STAG1: variants seen among roughly 807,000 people sequenced by gnomAD.
The protein encoded by STAG1 is cohesin subunit SA-1.
STAG1 carries 26 observed loss-of-function variants against 170.9 expected under a neutral mutation model. That is an observed-to-expected ratio of 0.15 (90% confidence interval 0.11 to 0.21). The LOEUF is 0.21. Ranked by LOEUF, STAG1 falls within the 10% of genes least tolerant of loss-of-function variation. STAG1 has a pLI of 1.00. For synonymous variants in STAG1, 514 were observed against 497.7 expected, an observed-to-expected ratio of 1.03 and a Z score of -0.44; for missense variants, 964 against 1,509.5, an observed-to-expected ratio of 0.64 and a Z score of 5.99.
At chr3:136,643,338 T>C (rs1033092790) in intron 1 of STAG1, among the ~76,000 whole-genome samples, 1 of 152,218 alleles carries the variant, frequency 6.6e-6, no homozygotes, top group East Asian at 1.9e-4. Context: ...TTCTAGTTCA[T>C]AGAATCAGAC....
chr3:136,559,709 G>C (rs1482266641), intron 5 of STAG1, among the ~76,000 whole-genome samples: 1 of 152,194 alleles, frequency 6.6e-6, no homozygotes, highest in Non-Finnish European at 1.5e-5. Flanking sequence ...GGAACTATTA[G>C]CATGAGGCAA....
At position 136,508,564 on chromosome 3, in the gene STAG1, T is replaced by C. The variant is rs577812073; in HGVS notation, c.677-5785A>G. ...TTACCTGGGCATTGAGATGTGCACC[T>C]GTAGTCTCAGCTACTGGGGAGGCCG... On this transcript the variant is annotated intron_variant, in intron 7 of 33. Coordinates refer to ENST00000383202, the MANE Select transcript of STAG1 (RefSeq NM_005862.3). Among the ~76,000 whole-genome samples, 10 of 152,318 alleles carry C rather than the reference T, an allele frequency of 6.6e-5. No individual in the cohort carries two copies. In the East Asian group the frequency reaches 1.9e-3, roughly 29 times the overall value.
At chr3:136,727,937 C>T (rs1053763578) in intron 1 of STAG1, among the ~76,000 whole-genome samples, 1 of 151,992 alleles carries the variant, frequency 6.6e-6, no homozygotes, top group Admixed American at 6.6e-5. Flanking sequence ...ACGGGTAGAT[C>T]ACCTGAGGTC....
intron 1 of STAG1, among the ~76,000 whole-genome samples, chr3:136,663,407 T>C (rs1941644971): frequency 6.6e-6 from 1 of 152,130 alleles, no homozygotes; most frequent in Non-Finnish European, 1.5e-5. Flanking sequence ...AGCACATAGA[T>C]TATAAGTGGC....
intron 1 of STAG1, among the ~76,000 whole-genome samples, chr3:136,703,148 T>G (rs1943129833): frequency 6.6e-6 from 1 of 151,888 alleles, no homozygotes; most frequent in Non-Finnish European, 1.5e-5. Flanking sequence ...GAAAAAGTTC[T>G]TCCACTGAAA....
intron 1 of STAG1, among the ~76,000 whole-genome samples, chr3:136,682,140 T>C (rs1391989290): frequency 6.6e-6 from 1 of 152,070 alleles, no homozygotes; most frequent in Non-Finnish European, 1.5e-5. Flanking sequence ...AATCTACAGA[T>C]TTCTCTAAAA....
chr3:136,457,222 G>A lies in STAG1; in HGVS notation c.1314-5075C>T, dbSNP rs974683186. Among the ~76,000 whole-genome samples, 11 of 152,174 alleles carry A rather than the reference G, an allele frequency of 7.2e-5. No homozygotes were observed. The East Asian group carries it at 1.4e-3, about 19-fold the overall frequency. On this transcript the variant is annotated intron_variant, in intron 13 of 33. Coordinates refer to ENST00000383202, the MANE Select transcript of STAG1 (RefSeq NM_005862.3). ...TATAAGCCCAGGCATAAAACCCCTC[G>A]TAGCTTGGATGGAATCCAAGGCTCA...
chr3:136,501,577 C>T (rs1191899426), intron 8 of STAG1, among the ~76,000 whole-genome samples: 2 of 152,126 alleles, frequency 1.3e-5, no homozygotes, highest in African/African-American at 2.4e-5. Flanking sequence ...ACCTTCCGAG[C>T]GAGGATGGCC....
chr3:136,528,838 G>A lies in STAG1; in HGVS notation c.472-7421C>T, dbSNP rs190798049. Among the ~76,000 whole-genome samples the A allele has an allele frequency of 2.0e-5, 3 of 151,932 alleles. No homozygotes were observed. The East Asian group carries it at 5.8e-4, about 29-fold the overall frequency. The stretch of plus-strand genomic sequence containing the variant: ...CCAGCTATTTGGGAGGCTGAAGTGG[G>A]AGAATCACTTGAGCCCAGGAGGCAG... On this transcript the variant is annotated intron_variant, in intron 6 of 33. Coordinates refer to ENST00000383202, the MANE Select transcript of STAG1 (RefSeq NM_005862.3).
intron 4 of STAG1, among the ~76,000 whole-genome samples, chr3:136,598,706 C>A (rs1219858196): frequency 1.3e-5 from 2 of 152,064 alleles, no homozygotes; most frequent in Non-Finnish European, 2.9e-5. Context: ...GGATTACAGG[C>A]GTGAGCCACC....
At chr3:136,589,542 C>G (rs1012819516) in intron 4 of STAG1, among the ~76,000 whole-genome samples, 1 of 145,510 alleles carries the variant, frequency 6.9e-6, no homozygotes, top group African/African-American at 2.6e-5. Flanking sequence ...ATAGGCCAGA[C>G]AGCAGAATCA....
At chr3:136,658,310 A>T (rs1941462203) in intron 1 of STAG1, among the ~76,000 whole-genome samples, 1 of 152,186 alleles carries the variant, frequency 6.6e-6, no homozygotes, top group Non-Finnish European at 1.5e-5. Flanking sequence ...AAAAAAAGTA[A>T]TGAGGGCATC....
At chr3:136,452,181 A>C (rs780609088) in intron 13 of STAG1, 34 bp from the exon 14 acceptor site, 2 of 1,340,740 alleles carry the variant, frequency 1.5e-6, no homozygotes, top group East Asian at 4.6e-5. Context: ...GCAAAGTTAC[A>C]TGAATATGAA....
In STAG1 at chr3:136,523,773, A is replaced by T. The variant is rs145618109; in HGVS notation, c.472-2356T>A. Among the ~76,000 whole-genome samples, 964 of 152,262 alleles carry T rather than the reference A, an allele frequency of 6.3e-3. 10 individuals are homozygous for T. Among genetic ancestry groups the T allele is most frequent in the African/African-American group, 0.023 (936 of 41,536 alleles). On this transcript the variant is annotated intron_variant, in intron 6 of 33. Transcript: ENST00000383202. ...ATTCATCTTGAATTAATTTTTGTAT[A>T]AAGTATAAGGAAGGGATCCAATTTC...
intron 1 of STAG1, among the ~76,000 whole-genome samples, chr3:136,691,008 A>G (rs1382016229): frequency 6.6e-6 from 1 of 151,782 alleles, no homozygotes; most frequent in Non-Finnish European, 1.5e-5. Flanking sequence ...ACAAAAAGAA[A>G]GACAGTTGGC....
intron 2 of STAG1, among the ~76,000 whole-genome samples, chr3:136,626,300 C>G (rs889258440): frequency 6.6e-6 from 1 of 151,842 alleles, no homozygotes; most frequent in Non-Finnish European, 1.5e-5. Context: ...GTGGTGTGCG[C>G]CTATAGTCCC....
chr3:136,675,032 C>T (rs1479645957), intron 1 of STAG1, among the ~76,000 whole-genome samples: 1 of 152,136 alleles, frequency 6.6e-6, no homozygotes, highest in Non-Finnish European at 1.5e-5. Flanking sequence ...AAATGTTCAA[C>T]TAAAAAGTAT....
At chr3:136,705,254 T>C (rs1167190225) in intron 1 of STAG1, among the ~76,000 whole-genome samples, 1 of 152,122 alleles carries the variant, frequency 6.6e-6, no homozygotes, top group Non-Finnish European at 1.5e-5. Context: ...CATGCGCCTA[T>C]AATCCCAGCT....
chr3:136,540,787 G>A (rs960576422), intron 6 of STAG1, among the ~76,000 whole-genome samples: 6 of 116,292 alleles, frequency 5.2e-5, no homozygotes, highest in Non-Finnish European at 5.0e-5. Context: ...ATGCCACTGC[G>A]CTCCAGTCTG....
Sources: allele counts gnomAD v4.1 joint callset (sites outside exome capture counted in the v4.1 genomes callset), GRCh38; gene constraint gnomAD v4.1.1; transcripts MANE v1.5; gene names NCBI Gene and HGNC (gene_info 2026-07-23, HGNC 2026-07-21).